The following PCDHGB1 variants were observed in gnomAD, a reference collection of about 807,000 sequenced individuals.
The protein encoded by PCDHGB1 is protocadherin gamma subfamily B, 1, also known as protocadherin gamma-B1.
Under a neutral mutation model 56.6 loss-of-function variants are expected in PCDHGB1, and 34 were observed. That is an observed-to-expected ratio of 0.60 (90% CI 0.46 to 0.80). The LOEUF (loss-of-function observed/expected upper bound fraction) is 0.80, where lower values mean the gene tolerates loss of function less well. PCDHGB1 is among the 30% of genes least tolerant of loss of function. The pLI is 0.00. For missense variants in PCDHGB1, 1,278 were observed against 1,204.6 expected (o/e 1.06, Z -0.90); for synonymous variants, 561 against 505.9 (o/e 1.11, Z -1.46).
intron 1 of PCDHGB1, chr5:141,357,445 T>C: frequency 1.9e-6 from 3 of 1,614,216 alleles, no homozygotes; most frequent in Non-Finnish European, 2.5e-6. Flanking sequence ...GGTTCGGGCT[T>C]TCCTGCAGAC....
At chr5:141,492,506 C>T (rs2154587372) in intron 1 of PCDHGB1, among the ~76,000 whole-genome samples, 2 of 152,318 alleles carry the variant, frequency 1.3e-5, no homozygotes, top group South Asian at 4.1e-4. Context: ...ACTCCGGAGC[C>T]TCCTCTCACC....
chr5:141,421,476 C>A, intron 1 of PCDHGB1: 2 of 1,614,158 alleles, frequency 1.2e-6, no homozygotes, highest in Non-Finnish European at 1.7e-6. Context: ...CGCGAAGCGG[C>A]AGCTTGATCA....
intron 1 of PCDHGB1, among the ~76,000 whole-genome samples, chr5:141,464,803 G>A (rs933573443): frequency 1.5e-4 from 23 of 152,092 alleles, no homozygotes; most frequent in African/African-American, 5.1e-4. Context: ...CAGTGATGCA[G>A]TCATAGCTCA....
chr5:141,386,109 A>T (rs866004779), intron 1 of PCDHGB1: 1 of 152,246 alleles, frequency 6.6e-6, no homozygotes, highest in Non-Finnish European at 1.5e-5. Context: ...TCTGTGGGCT[A>T]TCAAAGTGGG....
chr5:141,491,956 A>G lies in PCDHGB1; in HGVS notation c.2410-2851A>G, dbSNP rs2099735623. 1.9e-6 allele frequency: 2 copies of G among 1,035,704 alleles called. No homozygotes were observed. Among genetic ancestry groups the G allele is most frequent in the Non-Finnish European group, 2.7e-6 (2 of 749,368 alleles). The allele number at this position is 1,035,704 out of a possible 1,614,324, so 64.2% of individuals were successfully genotyped here. A position where few individuals can be genotyped will look rare whatever the true frequency, so the allele number is the denominator to read the frequency against. On this transcript the variant is annotated intron_variant, in intron 1 of 3. Transcript: ENST00000523390. This position sits in a 1 kb window ranked among gnomAD's most constrained non-coding sequence, Gnocchi z 6.9. Reference sequence around the variant, plus strand: ...GGACCGACCCCCACCCCTACACTCAAAAAAGGCCGGGGCCTCCTTCGAGCT... The same window carrying G: ...GGACCGACCCCCACCCCTACACTCAGAAAAGGCCGGGGCCTCCTTCGAGCT...
At chr5:141,366,718 G>C (rs772444465) in intron 1 of PCDHGB1, 1 of 1,613,638 alleles carries the variant, frequency 6.2e-7, no homozygotes, top group Non-Finnish European at 8.5e-7. Context: ...TGTCTGATAA[G>C]GTAGATGCAA....
At chr5:141,405,257 A>T (rs747554046) in intron 1 of PCDHGB1, 2 of 1,613,954 alleles carry the variant, frequency 1.2e-6, no homozygotes, top group Non-Finnish European at 1.7e-6. Flanking sequence ...GAGTCACCTG[A>T]TCTTCCCCCA....
chr5:141,501,311 AC>A (rs2099807696), intron 2 of PCDHGB1, among the ~76,000 whole-genome samples: 1 of 151,670 alleles, frequency 6.6e-6, no homozygotes, highest in Non-Finnish European at 1.5e-5. Context: ...ACACACACAC[AC>A]ACACACACAC....
At chr5:141,360,543 T>C (rs369225043) in intron 1 of PCDHGB1, 1 of 1,613,834 alleles carries the variant, frequency 6.2e-7, no homozygotes, top group Non-Finnish European at 8.5e-7. Flanking sequence ...TCAAACAGAC[T>C]AAGATTAATT....
chr5:141,420,669 G>A (rs1018355067), intron 1 of PCDHGB1, among the ~76,000 whole-genome samples: 2 of 152,202 alleles, frequency 1.3e-5, no homozygotes, highest in South Asian at 2.1e-4. Context: ...CATCCTACCT[G>A]ATGATTTTAT....
At chr5:141,355,511 C>T in intron 1 of PCDHGB1, 1 of 1,614,022 alleles carries the variant, frequency 6.2e-7, no homozygotes, top group Admixed American at 1.7e-5. Context: ...AACTGTGTGA[C>T]AAACCTGGAG....
rs775122106 is a variant in PCDHGB1 at position 141,410,519 on chromosome 5, C to CT, written c.2409+57851dup. On this transcript the variant is annotated intron_variant, in intron 1 of 3. Coordinates refer to ENST00000523390, the MANE Select transcript of PCDHGB1 (RefSeq NM_018922.3). ...TAATTTCCTAAAATGCAGTGTGCCCCTACATTCCAATGAAGACATGGTTTG... is the reference window on the plus strand; with the variant it reads ...TAATTTCCTAAAATGCAGTGTGCCCCTTACATTCCAATGAAGACATGGTTTG... 5.9e-5 allele frequency: 95 copies of CT among 1,613,978 alleles called. 1 individual carries two copies. In the South Asian group the frequency reaches 1.0e-3, roughly 17 times the overall value.
At chr5:141,364,645 C>A (rs1036042236) in intron 1 of PCDHGB1, 1 of 1,614,078 alleles carries the variant, frequency 6.2e-7, no homozygotes, top group Non-Finnish European at 8.5e-7. Flanking sequence ...GTGTGGTGAA[C>A]TTTAACATCT....
rs1255512461 is a variant in PCDHGB1 at position 141,395,116 on chromosome 5, T to A, written c.2409+42447T>A. 1.2e-6 allele frequency: 2 copies of A among 1,614,098 alleles called. No homozygotes were observed. Among genetic ancestry groups the A allele is most frequent in the African/African-American group, 1.3e-5 (1 of 74,932 alleles). Reference sequence around the variant, plus strand: ...ACCGCCGACTCGCGGAAGAGTCACCTGATCTTTCCCCAGCCCAACTACGCA... The same window carrying A: ...ACCGCCGACTCGCGGAAGAGTCACCAGATCTTTCCCCAGCCCAACTACGCA... On this transcript the variant is annotated intron_variant, in intron 1 of 3. Coordinates refer to ENST00000523390, the MANE Select transcript of PCDHGB1 (RefSeq NM_018922.3).
chr5:141,395,195 C>T (rs1317395472), intron 1 of PCDHGB1: 1 of 1,613,760 alleles, frequency 6.2e-7, no homozygotes, highest in Admixed American at 1.7e-5. Context: ...TGTTAACATC[C>T]GTAGATTTTC....
intron 1 of PCDHGB1, chr5:141,423,081 C>A: frequency 6.2e-7 from 1 of 1,614,084 alleles, no homozygotes; most frequent in South Asian, 1.1e-5. Context: ...CGGGACTCTT[C>A]GCGGTGGGGG....
intron 1 of PCDHGB1, chr5:141,360,390 T>C (rs1484817682): frequency 1.2e-6 from 2 of 1,613,882 alleles, no homozygotes; most frequent in Non-Finnish European, 1.7e-6. Flanking sequence ...GAGACTTACT[T>C]GTGAGTGACA....
At position 141,491,692 on chromosome 5, in the gene PCDHGB1, C is replaced by T. The variant is rs749349869; in HGVS notation, c.2410-3115C>T. On this transcript the variant is annotated intron_variant, in intron 1 of 3. Coordinates refer to ENST00000523390, the MANE Select transcript of PCDHGB1 (RefSeq NM_018922.3). This position sits in a 1 kb window ranked among gnomAD's most constrained non-coding sequence, Gnocchi z 6.9. ...GTCCCGCTCTAATACGCTGCGGGAG[C>T]GGAGCCAGGTGAGGGGCTCGGCGCC... is the stretch of plus-strand genomic sequence containing the variant. 1 of 1,612,594 alleles carries T rather than the reference C, an allele frequency of 6.2e-7. No homozygotes were observed. The highest frequency in any genetic ancestry group is 8.5e-7 in the Non-Finnish European group (1 of 1,179,340).
chr5:141,480,946 G>A (rs1415705408), intron 1 of PCDHGB1, among the ~76,000 whole-genome samples: 1 of 152,172 alleles, frequency 6.6e-6, no homozygotes, highest in Non-Finnish European at 1.5e-5. Context: ...TCTAGAGGCT[G>A]AGGCGGAAGC....
Sources: allele counts gnomAD v4.1 joint callset (sites outside exome capture counted in the v4.1 genomes callset), GRCh38; gene constraint gnomAD v4.1.1; non-coding constraint Gnocchi (gnomAD v3.1); transcripts MANE v1.5; gene names NCBI Gene and HGNC (gene_info 2026-07-23, HGNC 2026-07-21).